Variants in PARD6G observed in about 807,000 individuals in gnomAD.
PARD6G encodes partitioning defective 6 homolog gamma.
A neutral mutation model predicts 10.7 loss-of-function variants in PARD6G; 7 were observed. The ratio of observed to expected loss-of-function variants is 0.66; its 90% CI spans 0.37 to 1.23. The LOEUF is 1.23. PARD6G is among the 50% of genes most tolerant of loss of function. The probability of loss-of-function intolerance (pLI) is 0.02; values close to 1 mark genes in which losing one functional copy is unlikely to be tolerated. For synonymous variants in PARD6G, 287 were observed against 269.4 expected, an observed-to-expected ratio of 1.07 and a Z score of -0.64; for missense variants, 548 against 571.8, an observed-to-expected ratio of 0.96 and a Z score of 0.42.
At chr18:80,244,084 T>C (rs1383584809) in intron 1 of PARD6G, among the ~76,000 whole-genome samples, 1 of 152,134 alleles carries the variant, frequency 6.6e-6, no homozygotes, top group Non-Finnish European at 1.5e-5. Flanking sequence ...TTCATCTCCA[T>C]TTACCGCCCC....
chr18:80,209,259 T>C (rs567284469), intron 1 of PARD6G, among the ~76,000 whole-genome samples: 1 of 152,198 alleles, frequency 6.6e-6, no homozygotes, highest in Non-Finnish European at 1.5e-5. Context: ...TGTAAGCCTA[T>C]GAATCCCATG....
At chr18:80,194,992 CAGG>C (rs1375473480) in intron 2 of PARD6G, among the ~76,000 whole-genome samples, 3 of 151,846 alleles carry the variant, frequency 2.0e-5, no homozygotes, top group South Asian at 4.2e-4. Flanking sequence ...AATAAAACGG[CAGG>C]AGGAGGAGGG....
chr18:80,236,336 T>C (rs1232703074), intron 1 of PARD6G, among the ~76,000 whole-genome samples: 1 of 152,204 alleles, frequency 6.6e-6, no homozygotes, highest in African/African-American at 2.4e-5. Flanking sequence ...AAATTAGGTA[T>C]TGATGGGACG....
rs1466438565 is a variant in PARD6G, at chr18:80,161,061, GCTTT to G, written c.296-459_296-456del. Among the ~76,000 whole-genome samples, 4 of 152,110 alleles carry G rather than the reference GCTTT, an allele frequency of 2.6e-5. No homozygotes were observed. Among genetic ancestry groups the G allele is most frequent in the Non-Finnish European group, 4.4e-5 (3 of 68,020 alleles). Reference sequence around the variant, plus strand: ...ATTACAACTAAGAGAGACCTTTCCTGCTTTCTTCTTTTCTATGCGCAAGCCCCAC... The same window carrying G: ...ATTACAACTAAGAGAGACCTTTCCTGCTTCTTTTCTATGCGCAAGCCCCAC... On this transcript the variant is annotated intron_variant, in intron 2 of 2. Transcript: ENST00000353265. This position sits in a 1 kb window ranked among gnomAD's most constrained non-coding sequence, Gnocchi z 4.6.
chr18:80,220,660 GA>G (rs2145293948), intron 1 of PARD6G, among the ~76,000 whole-genome samples: 1 of 151,802 alleles, frequency 6.6e-6, no homozygotes, highest in East Asian at 1.9e-4. Flanking sequence ...ACCCAGGCTG[GA>G]GTGCAGTGGC....
At chr18:80,236,719 A>G (rs756437762) in intron 1 of PARD6G, among the ~76,000 whole-genome samples, 1 of 152,142 alleles carries the variant, frequency 6.6e-6, no homozygotes, top group East Asian at 1.9e-4. Flanking sequence ...CAAACAGAGA[A>G]CCAAATCATA....
chr18:80,233,591 C>T lies in PARD6G; in HGVS notation c.72+13686G>A, dbSNP rs113892231. Among the ~76,000 whole-genome samples, 264 of 152,304 alleles carry T rather than the reference C, an allele frequency of 1.7e-3. 1 individual carries two copies. The highest frequency in any genetic ancestry group is 6.2e-3 in the African/African-American group (259 of 41,550). On this transcript the variant is annotated intron_variant, in intron 1 of 2. Transcript: ENST00000353265. ...GCCAGTCAGGGAGGCCCCTGAGCCA[C>T]GGGATACAGGTGCTAACATTGCTTT...
chr18:80,239,142 A>C (rs1967461467), intron 1 of PARD6G, among the ~76,000 whole-genome samples: 1 of 152,106 alleles, frequency 6.6e-6, no homozygotes. Flanking sequence ...AGGGAGAATA[A>C]GGGAGAGGTG....
At chr18:80,190,082 C>G (rs1343983094) in intron 2 of PARD6G, among the ~76,000 whole-genome samples, 1 of 152,176 alleles carries the variant, frequency 6.6e-6, no homozygotes, top group Non-Finnish European at 1.5e-5. Flanking sequence ...ACTCCAGGGT[C>G]TATTCGTACA....
At chr18:80,218,510 G>A (rs1015121869) in intron 1 of PARD6G, among the ~76,000 whole-genome samples, 1 of 152,154 alleles carries the variant, frequency 6.6e-6, no homozygotes, top group Non-Finnish European at 1.5e-5. Context: ...CATGGCCTTG[G>A]GCAGCTCTGC....
At position 80,193,672 on chromosome 18, in the gene PARD6G, G is replaced by A. The variant is rs191883867; in HGVS notation, c.295+9038C>T. On this transcript the variant is annotated intron_variant, in intron 2 of 2. Coordinates refer to ENST00000353265, the MANE Select transcript of PARD6G (RefSeq NM_032510.4). ...TACATATATTTTACCAGTATAAAAA[G>A]TAAGTCATTAATATTTGATACTGGT... Among the ~76,000 whole-genome samples, 280 of 152,300 alleles carry A rather than the reference G, an allele frequency of 1.8e-3. 4 individuals carry two copies. Among genetic ancestry groups the A allele is most frequent in the Non-Finnish European group, 9.4e-4 (64 of 68,030 alleles).
chr18:80,163,863 T>C (rs1421086394), intron 2 of PARD6G, among the ~76,000 whole-genome samples: 1 of 152,162 alleles, frequency 6.6e-6, no homozygotes, highest in African/African-American at 2.4e-5. Flanking sequence ...GGATGTTACA[T>C]ACAAAACAAC....
chr18:80,206,977 A>C (rs527928767), intron 1 of PARD6G, among the ~76,000 whole-genome samples: 20 of 149,680 alleles, frequency 1.3e-4, no homozygotes, highest in African/African-American at 2.4e-4. Context: ...AAGATTCTTC[A>C]GATGTTTATT....
At chr18:80,214,138 AT>A (rs1967136628) in intron 1 of PARD6G, among the ~76,000 whole-genome samples, 2 of 151,948 alleles carry the variant, frequency 1.3e-5, no homozygotes, top group African/African-American at 2.4e-5. Flanking sequence ...AAAGGAAAAC[AT>A]TTCTAAAGAA....
chr18:80,217,306 G>A (rs1967179384), intron 1 of PARD6G, among the ~76,000 whole-genome samples: 1 of 152,120 alleles, frequency 6.6e-6, no homozygotes, highest in South Asian at 2.1e-4. Context: ...CCATACAGAA[G>A]AATACCAAAT....
rs562213505 is a variant in PARD6G at position 80,174,726 on chromosome 18, G to A, written c.296-14120C>T. ...TCCCAGCACTTTGGGAGGCCGAGGC[G>A]GGCGGATCACGAGGTCAGGAGATCG... On this transcript the variant is annotated intron_variant, in intron 2 of 2. Transcript: ENST00000353265. Among the ~76,000 whole-genome samples, 206 of 152,104 alleles carry A rather than the reference G, an allele frequency of 1.4e-3. 1 individual carries two copies. Among genetic ancestry groups the A allele is most frequent in the African/African-American group, 4.7e-3 (193 of 41,444 alleles).
rs1385045810 is a variant in PARD6G, at chr18:80,184,164, A to G, written c.295+18546T>C. ...AAACCCACAGCTGAAGTCACATTCA[A>G]TGCGGAACACTGGGCACCTCCCCCT... is the stretch of plus-strand genomic sequence containing the variant. On this transcript the variant is annotated intron_variant, in intron 2 of 2. Transcript: ENST00000353265. This position sits in a 1 kb window ranked among gnomAD's most constrained non-coding sequence, Gnocchi z 4.5. 6.6e-6 allele frequency: 1 copy of G among 152,192 alleles called. No homozygotes were observed. The highest frequency in any genetic ancestry group is 1.9e-4 in the East Asian group (1 of 5,194). 9.4% of individuals were successfully genotyped at this position (152,192 alleles called of 1,614,324 possible). A position where few individuals can be genotyped will look rare whatever the true frequency, so the allele number is the denominator to read the frequency against.
chr18:80,222,028 A>G (rs922225318), intron 1 of PARD6G, among the ~76,000 whole-genome samples: 1 of 152,198 alleles, frequency 6.6e-6, no homozygotes, highest in African/African-American at 2.4e-5. Context: ...AAAATAAAGA[A>G]GATCTAAATT....
intron 1 of PARD6G, among the ~76,000 whole-genome samples, chr18:80,229,895 G>A (rs540850864): frequency 6.6e-6 from 1 of 152,358 alleles, no homozygotes; most frequent in East Asian, 1.9e-4. Context: ...AAACAGGACT[G>A]TGTGTGTCTG....
Sources: allele counts gnomAD v4.1 joint callset (sites outside exome capture counted in the v4.1 genomes callset), GRCh38; gene constraint gnomAD v4.1.1; non-coding constraint Gnocchi (gnomAD v3.1); transcripts MANE v1.5; gene names NCBI Gene and HGNC (gene_info 2026-07-23, HGNC 2026-07-21).